CIMIP3: variants seen among roughly 807,000 people sequenced by gnomAD.
CIMIP3 encodes GUCA1A neighbor.
the CIMIP3 span, among the ~76,000 whole-genome samples, chr6:42,157,850 T>C: frequency 3.3e-5 from 5 of 152,172 alleles, no homozygotes; most frequent in Non-Finnish European, 7.4e-5. Flanking sequence ...AGGGAAGCAG[T>C]AGGGGAGATG....
the CIMIP3 span, chr6:42,162,831 G>A: frequency 1.8e-6 from 1 of 571,246 alleles, no homozygotes; most frequent in South Asian, 2.3e-5. Context: ...TCTGAGCAGT[G>A]GCTCTTTCTC....
the CIMIP3 span, among the ~76,000 whole-genome samples, chr6:42,157,563 T>G: frequency 6.6e-6 from 1 of 151,798 alleles, no homozygotes; most frequent in South Asian, 2.1e-4. Context: ...TTTCTTTTTT[T>G]TTTTTTAATA....
the CIMIP3 span, chr6:42,162,922 C>T: frequency 3.2e-6 from 2 of 630,730 alleles, no homozygotes; most frequent in African/African-American, 1.8e-5. Context: ...CCTCCCAGGA[C>T]TCACAGAAAC....
At chr6:42,163,142 T>C in the CIMIP3 span, 1 of 669,986 alleles carries the variant, frequency 1.5e-6, no homozygotes, top group Non-Finnish European at 2.8e-6. Context: ...GAACCCCTTC[T>C]ACACTTTGCA....
the CIMIP3 span, chr6:42,163,075 G>A: frequency 2.8e-6 from 2 of 716,934 alleles, no homozygotes; most frequent in Admixed American, 2.0e-5. Flanking sequence ...ACTCTAAGGG[G>A]CAGAATCCGG....
At chr6:42,161,289 T>C in the CIMIP3 span, among the ~76,000 whole-genome samples, 1 of 152,226 alleles carries the variant, frequency 6.6e-6, no homozygotes, top group African/African-American at 2.4e-5. Context: ...CCACTAACCC[T>C]GTACCTAGGG....
chr6:42,158,036 G>A, the CIMIP3 span, among the ~76,000 whole-genome samples: 1 of 152,174 alleles, frequency 6.6e-6, no homozygotes, highest in Admixed American at 6.5e-5. Flanking sequence ...AACCCAAAAT[G>A]TCTCCAAACA....
At chr6:42,155,694 T>C in the CIMIP3 span, 4 of 711,170 alleles carry the variant, frequency 5.6e-6, no homozygotes, top group African/African-American at 7.0e-5. Context: ...TCTGGGGAGA[T>C]GGAGAGAGGG....
At chr6:42,159,759 G>C in the CIMIP3 span, among the ~76,000 whole-genome samples, 1 of 152,208 alleles carries the variant, frequency 6.6e-6, no homozygotes, top group East Asian at 1.9e-4. Context: ...ACCACAGTGG[G>C]CACAAGACAC....
the CIMIP3 span, among the ~76,000 whole-genome samples, chr6:42,158,503 G>A: frequency 2.6e-5 from 4 of 152,216 alleles, no homozygotes; most frequent in African/African-American, 7.2e-5. Flanking sequence ...AAACACAGCC[G>A]AGGTGTGGAC....
chr6:42,162,974 G>T, the CIMIP3 span: 1 of 708,892 alleles, frequency 1.4e-6, no homozygotes, highest in Middle Eastern at 2.3e-4. Flanking sequence ...GTCATGCAAG[G>T]GGGTGAAGGC....
chr6:42,157,794 T>C, the CIMIP3 span, among the ~76,000 whole-genome samples: 22 of 152,242 alleles, frequency 1.4e-4, no homozygotes, highest in East Asian at 4.2e-3. Context: ...CTGGTGAGAA[T>C]CTCTACTTGT....
chr6:42,155,466 C>T, the CIMIP3 span: 1 of 698,172 alleles, frequency 1.4e-6, no homozygotes, highest in Non-Finnish European at 2.7e-6. Flanking sequence ...CAAGAAAGGC[C>T]CTGGTCCAGG....
chr6:42,161,443 C>T, the CIMIP3 span, among the ~76,000 whole-genome samples: 3 of 152,116 alleles, frequency 2.0e-5, no homozygotes, highest in African/African-American at 7.2e-5. Flanking sequence ...GATGCTTCAT[C>T]CTTTGGTGGT....
the CIMIP3 span, among the ~76,000 whole-genome samples, chr6:42,160,825 C>A: frequency 1.3e-5 from 2 of 152,270 alleles, no homozygotes; most frequent in African/African-American, 2.4e-5. Flanking sequence ...GGGTAGGAAC[C>A]AATAGGAACA....
At chr6:42,155,522 G>A in the CIMIP3 span, 80 of 717,110 alleles carry the variant, frequency 1.1e-4, no homozygotes, top group Middle Eastern at 2.3e-4. Context: ...AGGTCAGCTC[G>A]GGGTCACAAG....
At chr6:42,162,732 G>A in the CIMIP3 span, among the ~76,000 whole-genome samples, 1 of 152,186 alleles carries the variant, frequency 6.6e-6, no homozygotes, top group African/African-American at 2.4e-5. Flanking sequence ...CAGGGGGCCA[G>A]GTCAGGGGAC....
At chr6:42,162,537 C>T in the CIMIP3 span, among the ~76,000 whole-genome samples, 22 of 147,882 alleles carry the variant, frequency 1.5e-4, no homozygotes, top group Middle Eastern at 3.2e-3. Context: ...ATAGAGAGGT[C>T]GAAGGCCTGA....
At chr6:42,160,943 C>T in the CIMIP3 span, among the ~76,000 whole-genome samples, 2 of 152,268 alleles carry the variant, frequency 1.3e-5, no homozygotes, top group South Asian at 2.1e-4. Flanking sequence ...AATCCCAGCA[C>T]TTTGGGAGGC....
Sources: allele counts gnomAD v4.1 joint callset (sites outside exome capture counted in the v4.1 genomes callset), GRCh38; gene constraint gnomAD v4.1.1; transcripts MANE v1.5; gene names NCBI Gene and HGNC (gene_info 2026-07-23, HGNC 2026-07-21).